Variants in LSM8 observed in about 807,000 individuals in gnomAD.
LSM8 encodes the protein LSM8 U6 small nuclear RNA associated.
In LSM8, 14 loss-of-function variants were observed where a neutral mutation model predicts 15.0. That is an observed-to-expected ratio of 0.93 (90% CI 0.62 to 1.46). LSM8 has a LOEUF of 1.46. Ranked by LOEUF, LSM8 falls within the 40% of genes most tolerant of loss-of-function variation. The pLI, the probability that LSM8 is intolerant of heterozygous loss-of-function variation, is 0.00. For synonymous variants in LSM8, 50 were observed against 42.1 expected, an observed-to-expected ratio of 1.19 and a Z score of -0.73; for missense variants, 90 against 115.4, an observed-to-expected ratio of 0.78 and a Z score of 1.01.
rs1204726907 is a variant in LSM8, at chr7:118,192,034, CTT to C, written c.*34_*35del. The C allele has an allele frequency of 6.0e-6, 9 of 1,500,802 alleles. No homozygotes were observed. The highest frequency in any genetic ancestry group is 7.4e-6 in the Non-Finnish European group (8 of 1,083,812). The allele number at this position is 1,500,802 out of a possible 1,614,324, so 93.0% of individuals were successfully genotyped here. On this transcript the variant is annotated 3_prime_UTR_variant, in exon 4 of 4. Transcript: ENST00000249299. ...ACTACATACTTGGACATCTGTAAATCTTTGTACAGAAACTGATTATTCTGAGG... is the reference window on the plus strand; with the variant it reads ...ACTACATACTTGGACATCTGTAAATCTGTACAGAAACTGATTATTCTGAGG...
chr7:118,185,671 A>G lies in LSM8; in HGVS notation c.49A>G (p.Thr17Ala). The change falls in exon 2 of 4, where the codon ACA becomes GCA. Residue 17 changes from threonine (T) to alanine (A), a missense_variant. Thr to Ala is a moderately conservative substitution (Grantham distance 58). Coordinates refer to ENST00000249299, the MANE Select transcript of LSM8 (RefSeq NM_016200.5). ...NYINRTVAVI[T>A]SDGRMIVGTL... ...GTTATCAGGAACTGTTGCCGTTATTACATCAGATGGGAGAATGATTGTGGT... is the reference window on the plus strand; with the variant it reads ...GTTATCAGGAACTGTTGCCGTTATTGCATCAGATGGGAGAATGATTGTGGT... The G allele has an allele frequency of 6.2e-7, 1 of 1,611,434 alleles. No homozygotes were observed. Among genetic ancestry groups the G allele is most frequent in the Non-Finnish European group, 8.5e-7 (1 of 1,177,768 alleles).
At chr7:118,184,400 C>G in intron 1 of LSM8, 146 bp downstream of exon 1, 1 of 984,062 alleles carries the variant, frequency 1.0e-6, no homozygotes. Flanking sequence ...CCAGAGTTCG[C>G]CGGCGGCGCC....
At position 118,199,621 on chromosome 7, in the gene LSM8, G is replaced by C. The variant is rs933987274; in HGVS notation, c.*7619G>C. Among the ~76,000 whole-genome samples, 2 of 152,122 alleles carry C rather than the reference G, an allele frequency of 1.3e-5. No individual in the cohort carries two copies. Among genetic ancestry groups the C allele is most frequent in the African/African-American group, 4.8e-5 (2 of 41,426 alleles). ...GGTTGGTGCCATGGAAGGAAAACAA[G>C]TAACTTTGCAACAATCTGTTCAACA... On this transcript the variant is annotated 3_prime_UTR_variant, in exon 4 of 4. Coordinates refer to ENST00000249299, the MANE Select transcript of LSM8 (RefSeq NM_016200.5).
At chr7:118,191,167 T>A (rs1808975000) in intron 3 of LSM8, 1 of 152,098 alleles carries the variant, frequency 6.6e-6, no homozygotes, top group Admixed American at 6.6e-5. Context: ...CAACCAATAC[T>A]TTTTAAAAAT....
Position 118,195,903 on chromosome 7 carries a change from G to A in LSM8, c.*3901G>A, listed in dbSNP as rs1441277980. 1.3e-5 allele frequency among the ~76,000 whole-genome samples: 2 copies of A among 152,078 alleles called. No homozygotes were observed. The highest frequency in any genetic ancestry group is 2.9e-5 in the Non-Finnish European group (2 of 68,004). On this transcript the variant is annotated 3_prime_UTR_variant, in exon 4 of 4. Transcript: ENST00000249299. ...ATAGCATAGTGCTCCCATTAAACTAGCGACAAATTCATTTAATTGTGAGAT... is the reference window on the plus strand; with the variant it reads ...ATAGCATAGTGCTCCCATTAAACTAACGACAAATTCATTTAATTGTGAGAT...
chr7:118,188,206 CT>C lies in LSM8; in HGVS notation c.73-71del, dbSNP rs1808917794. Reference sequence around the variant, plus strand: ...TTGGAATACCTGGCAACTAAAATGACTGTGAGGTTAAATTTACACTTTCAGG... The same window carrying C: ...TTGGAATACCTGGCAACTAAAATGACGTGAGGTTAAATTTACACTTTCAGG... On this transcript the variant is annotated intron_variant, in intron 2 of 3. Coordinates refer to ENST00000249299, the MANE Select transcript of LSM8 (RefSeq NM_016200.5). The C allele has an allele frequency of 1.8e-5, 28 of 1,535,570 alleles. No individual in the cohort carries two copies. The South Asian group carries it at 3.0e-4, about 17-fold the overall frequency.
rs1002780594 is a variant in LSM8, at chr7:118,192,166, C to T, written c.*164C>T. 30 of 432,746 alleles carry T rather than the reference C, an allele frequency of 6.9e-5. No individual in the cohort carries two copies. Among genetic ancestry groups the T allele is most frequent in the Admixed American group, 3.5e-4 (8 of 22,734 alleles). The allele number at this position is 432,746 out of a possible 1,614,324, so 26.8% of individuals were successfully genotyped here. ...TTCTACATTTTATTGAAAAAAAAAC[C>T]TTTTTTTTTGCCTAAATATAAGTTT... On this transcript the variant is annotated 3_prime_UTR_variant, in exon 4 of 4. Coordinates refer to ENST00000249299, the MANE Select transcript of LSM8 (RefSeq NM_016200.5).
rs754782566 is a variant in LSM8 at position 118,194,442 on chromosome 7, TA to T, written c.*2442del. On this transcript the variant is annotated 3_prime_UTR_variant, in exon 4 of 4. Transcript: ENST00000249299. ...TTGCTTTTATGTCAAAGCACTTTGGTAACTTGGCCTCACATGCTGACAGTTT... is the reference window on the plus strand; with the variant it reads ...TTGCTTTTATGTCAAAGCACTTTGGTACTTGGCCTCACATGCTGACAGTTT... 1.7e-4 allele frequency among the ~76,000 whole-genome samples: 26 copies of T among 152,032 alleles called. No individual in the cohort carries two copies. The highest frequency in any genetic ancestry group is 1.0e-3 in the South Asian group (5 of 4,822).
At position 118,191,725 on chromosome 7, in the gene LSM8, A is replaced by T. The variant is rs562837721; in HGVS notation, c.201-187A>T. ...TTCAAATTATTTCTTGAGTTTTGTG[A>T]CTTAAATATGCAGTTCACTGACTCA... On this transcript the variant is annotated intron_variant, in intron 3 of 3. Coordinates refer to ENST00000249299, the MANE Select transcript of LSM8 (RefSeq NM_016200.5). 2.5e-5 allele frequency: 13 copies of T among 516,906 alleles called. No homozygotes were observed. In the East Asian group the frequency reaches 3.8e-4, roughly 15 times the overall value. 32.0% of individuals were successfully genotyped at this position (516,906 alleles called of 1,614,324 possible).
chr7:118,195,642 G>A lies in LSM8; in HGVS notation c.*3640G>A, dbSNP rs1754661280. 6.6e-6 allele frequency among the ~76,000 whole-genome samples: 1 copy of A among 151,968 alleles called. No individual in the cohort carries two copies. Among genetic ancestry groups the A allele is most frequent in the Non-Finnish European group, 1.5e-5 (1 of 67,994 alleles). ...AGGAGTTTGAAAGTGTAAACTCAAA[G>A]GTCTTTCACATGTAAAGAGGAACCT... On this transcript the variant is annotated 3_prime_UTR_variant, in exon 4 of 4. Coordinates refer to ENST00000249299, the MANE Select transcript of LSM8 (RefSeq NM_016200.5).
chr7:118,191,679 T>C, intron 3 of LSM8: 1 of 451,006 alleles, frequency 2.2e-6, no homozygotes, highest in Admixed American at 4.0e-5. Context: ...CCTTTAATAT[T>C]GGTTCCTGTA....
intron 3 of LSM8, 131 bp downstream of exon 3, chr7:118,188,536 A>G (rs1808924759): frequency 2.5e-6 from 2 of 802,406 alleles, no homozygotes; most frequent in Non-Finnish European, 3.7e-6. Context: ...TCTTTCGTAA[A>G]TATACCTTTT....
chr7:118,189,125 T>G (rs1317262191), intron 3 of LSM8: 1 of 152,400 alleles, frequency 6.6e-6, no homozygotes, highest in Non-Finnish European at 1.5e-5. Context: ...CCAGGCTTGG[T>G]GGCGTGCGCC....
intron 3 of LSM8, 51 bp from the exon 4 acceptor site, chr7:118,191,859 AAC>A: frequency 7.2e-7 from 1 of 1,389,048 alleles, no homozygotes; most frequent in East Asian, 2.3e-5. Flanking sequence ...AGATTTTTGA[AAC>A]ACATGTAATT....
At chr7:118,189,069 C>T (rs77928810) in intron 3 of LSM8, 10,449 of 151,914 alleles carry the variant, frequency 0.069, 385 homozygotes, top group East Asian at 0.11. Context: ...AGACCGGCCT[C>T]GCCAACATGG....
In LSM8 at chr7:118,188,665, C is replaced by T. The variant is rs934908874; in HGVS notation, c.200+260C>T. On this transcript the variant is annotated intron_variant, in intron 3 of 3. Transcript: ENST00000249299. ...TACCTGAGATTTGCCCATTTTTCTA[C>T]TAGTTAAGTAGCCTGGGTAGAGTCC... 13 of 269,198 alleles carry T rather than the reference C, an allele frequency of 4.8e-5. No homozygotes were observed. In the South Asian group the frequency reaches 7.3e-4, roughly 15 times the overall value. The allele number at this position is 269,198 out of a possible 1,614,324, so 16.7% of individuals were successfully genotyped here.
Position 118,196,132 on chromosome 7 carries a change from CAGGGACACTTATCA to C in LSM8, c.*4133_*4146del, listed in dbSNP as rs1252731401. Among the ~76,000 whole-genome samples, 1 of 152,132 alleles carries C rather than the reference CAGGGACACTTATCA, an allele frequency of 6.6e-6. No individual in the cohort carries two copies. The highest frequency in any genetic ancestry group is 2.4e-5 in the African/African-American group (1 of 41,434). On this transcript the variant is annotated 3_prime_UTR_variant, in exon 4 of 4. Transcript: ENST00000249299. ...AAAAAAATAGATTTTGGAATTTTGT[CAGGGACACTTATCA>C]AGCCATTAATACATGCCAGGCAGTA...
intron 3 of LSM8, 195 bp from the exon 4 acceptor site, chr7:118,191,717 G>A: frequency 2.0e-6 from 1 of 506,958 alleles, no homozygotes; most frequent in South Asian, 2.7e-5. Flanking sequence ...TATTTCTTGA[G>A]TTTTGTGACT....
Position 118,203,980 on chromosome 7 carries a change from A to G in LSM8, c.*11978A>G, listed in dbSNP as rs1277720667. Among the ~76,000 whole-genome samples the G allele has an allele frequency of 6.6e-6, 1 of 151,710 alleles. No homozygotes were observed. Among genetic ancestry groups the G allele is most frequent in the South Asian group, 2.1e-4 (1 of 4,828 alleles). On this transcript the variant is annotated 3_prime_UTR_variant, in exon 4 of 4. Transcript: ENST00000249299. ...ACAATGATTTGTAAATTTTAATACT[A>G]TAGATATATTGCTGTTAATTATTAC...
Sources: gnomAD v4.1 joint callset for allele counts (sites outside exome capture counted in the v4.1 genomes callset) on GRCh38, gnomAD v4.1.1 for gene constraint, MANE v1.5 for transcripts, NCBI Gene and HGNC (gene_info 2026-07-23, HGNC 2026-07-21) for gene names.